Variants in EZH2 observed in about 807,000 individuals in gnomAD.
EZH2 encodes the protein enhancer of zeste 2 polycomb repressive complex 2 subunit.
EZH2 carries 18 observed loss-of-function variants against 98.4 expected under a neutral mutation model. That is an observed-to-expected ratio of 0.18 (90% CI 0.13 to 0.27). The LOEUF (loss-of-function observed/expected upper bound fraction) is 0.27. Ranked by LOEUF, EZH2 falls within the 10% of genes least tolerant of loss-of-function variation. The pLI is 1.00. For synonymous variants in EZH2, 338 were observed against 312.3 expected, an observed-to-expected ratio of 1.08 and a Z score of -0.87; for missense variants, 470 against 935.1, an observed-to-expected ratio of 0.50 and a Z score of 6.49.
At chr7:148,820,212 C>T (rs17171118) in intron 8 of EZH2, among the ~76,000 whole-genome samples, 19,351 of 152,116 alleles carry the variant, frequency 0.13, 1,419 homozygotes, top group East Asian at 0.26. Flanking sequence ...CTGGTGAGAG[C>T]TTATAGTGTC....
chr7:148,836,179 T>C (rs1162457828), intron 3 of EZH2, among the ~76,000 whole-genome samples: 1 of 152,134 alleles, frequency 6.6e-6, no homozygotes, highest in Non-Finnish European at 1.5e-5. Flanking sequence ...ACTCAAAAAA[T>C]GTTTCTGGAA....
rs889238880 is a variant in EZH2 at position 148,807,828 on chromosome 7, A to C, written c.2196-122T>G. The C allele has an allele frequency of 3.3e-5, 22 of 670,960 alleles. No individual in the cohort carries two copies. The Admixed American group carries it at 3.5e-4, about 11-fold the overall frequency. The allele number at this position is 670,960 out of a possible 1,614,324, so 41.6% of individuals were successfully genotyped here. ...TAAAATGTCTTTAAAAAAAAAAAAA[A>C]AAAAAAAACCCATCCAATTACACAG... On this transcript the variant is annotated intron_variant, in intron 19 of 19. Transcript: ENST00000320356.
chr7:148,810,455 G>T (rs1802709310), intron 16 of EZH2, 41 bp from the exon 17 acceptor site: 1 of 1,418,096 alleles, frequency 7.1e-7, no homozygotes, highest in Non-Finnish European at 1.0e-6. Context: ...TTGGATAAAG[G>T]TGATCAAGCC....
intron 3 of EZH2, among the ~76,000 whole-genome samples, chr7:148,833,683 T>A (rs1265844845): frequency 6.6e-6 from 1 of 152,226 alleles, no homozygotes; most frequent in Non-Finnish European, 1.5e-5. Flanking sequence ...GATTACTAAG[T>A]ACTTTCTATG....
intron 4 of EZH2, among the ~76,000 whole-genome samples, chr7:148,832,116 G>GA (rs1809556241): frequency 6.6e-6 from 1 of 151,704 alleles, no homozygotes; most frequent in Non-Finnish European, 1.5e-5. Context: ...TTTCAGACAG[G>GA]GTCTGGCTGT....
intron 1 of EZH2, among the ~76,000 whole-genome samples, chr7:148,866,566 A>ATATATACGTATATACATG (rs1818523431): frequency 6.2e-5 from 8 of 128,456 alleles, no homozygotes; most frequent in Non-Finnish European, 1.3e-4. Context: ...ATATATACAT[A>ATATATACGTATATACATG]TATATACGTA....
chr7:148,867,655 A>G (rs1452393802), intron 1 of EZH2, among the ~76,000 whole-genome samples: 1 of 152,228 alleles, frequency 6.6e-6, no homozygotes, highest in Non-Finnish European at 1.5e-5. Flanking sequence ...TTCTGCAGCC[A>G]GCTTGAATTT....
At chr7:148,883,253 A>G (rs1305345105) in intron 1 of EZH2, 1 of 152,272 alleles carries the variant, frequency 6.6e-6, no homozygotes, top group Non-Finnish European at 1.5e-5. Flanking sequence ...CCGCTTTCAA[A>G]AAGTAACCCT....
chr7:148,868,775 A>G (rs907699486), intron 1 of EZH2, among the ~76,000 whole-genome samples: 2 of 152,214 alleles, frequency 1.3e-5, no homozygotes, highest in Admixed American at 6.5e-5. Flanking sequence ...CTAGAGAATA[A>G]GAGAATATCT....
At chr7:148,809,275 A>T in intron 18 of EZH2, 35 bp downstream of exon 18, 1 of 1,591,780 alleles carries the variant, frequency 6.3e-7, no homozygotes, top group Non-Finnish European at 8.6e-7. Context: ...CAGGACTGAA[A>T]AGGGAGTTCC....
At chr7:148,821,507 A>G (rs1297239945) in intron 8 of EZH2, among the ~76,000 whole-genome samples, 1 of 152,152 alleles carries the variant, frequency 6.6e-6, no homozygotes, top group East Asian at 1.9e-4. Context: ...ATTTTTTTTA[A>G]AAAGAACTAG....
intron 5 of EZH2, 37 bp downstream of exon 5, chr7:148,829,691 T>C (rs1421774007): frequency 1.3e-6 from 2 of 1,596,066 alleles, no homozygotes; most frequent in Non-Finnish European, 8.5e-7. Flanking sequence ...CTCAATTCTT[T>C]AGCCCCTTTT....
chr7:148,869,414 C>A (rs1010045953), intron 1 of EZH2, among the ~76,000 whole-genome samples: 2 of 144,206 alleles, frequency 1.4e-5, no homozygotes, highest in Non-Finnish European at 3.0e-5. Flanking sequence ...GGTGCAAACA[C>A]GGCTCACTGC....
chr7:148,866,113 A>C (rs1200567010), intron 1 of EZH2, among the ~76,000 whole-genome samples: 2 of 152,188 alleles, frequency 1.3e-5, no homozygotes, highest in East Asian at 3.8e-4. Context: ...TATGAGCAGT[A>C]AGTCTTTCCA....
At chr7:148,878,394 G>A (rs1820467050) in intron 1 of EZH2, among the ~76,000 whole-genome samples, 1 of 152,008 alleles carries the variant, frequency 6.6e-6, no homozygotes, top group Non-Finnish European at 1.5e-5. Context: ...GTTGTATCTG[G>A]CTTATTTCAC....
At chr7:148,858,305 G>A (rs1258934578) in intron 1 of EZH2, among the ~76,000 whole-genome samples, 1 of 151,542 alleles carries the variant, frequency 6.6e-6, no homozygotes, top group Non-Finnish European at 1.5e-5. Context: ...AAAAAAACAG[G>A]TAGTAATTAA....
chr7:148,847,441 C>T, intron 1 of EZH2, 136 bp from the exon 2 acceptor site: 1 of 1,032,308 alleles, frequency 9.7e-7, no homozygotes, highest in Non-Finnish European at 1.4e-6. Context: ...CAGAAAGGTG[C>T]TCATTTGTGC....
At chr7:148,881,968 GCGCGCA>G (rs1563083998) in intron 1 of EZH2, among the ~76,000 whole-genome samples, 6 of 93,668 alleles carry the variant, frequency 6.4e-5, no homozygotes, top group African/African-American at 3.9e-5. Flanking sequence ...ACACACACGC[GCGCGCA>G]CACACACACA....
chr7:148,818,130 A>T lies in EZH2; in HGVS notation c.1000-13T>A. On this transcript the variant is annotated splice_polypyrimidine_tract_variant and intron_variant, in intron 9 of 19. Transcript: ENST00000320356. ...CCTTTGCTCCCTCCTACGAAATGAA[A>T]AATGTCAACATCAGGGCAAAGTTCT... is the stretch of plus-strand genomic sequence containing the variant. 3 of 1,539,454 alleles carry T rather than the reference A, an allele frequency of 1.9e-6. No homozygotes were observed. The highest frequency in any genetic ancestry group is 2.6e-6 in the Non-Finnish European group (3 of 1,147,348).
Sources: allele counts gnomAD v4.1 joint callset (sites outside exome capture counted in the v4.1 genomes callset), GRCh38; gene constraint gnomAD v4.1.1; transcripts MANE v1.5; gene names NCBI Gene and HGNC (gene_info 2026-07-23, HGNC 2026-07-21).